The following DPP6 variants were observed in gnomAD, a reference collection of about 807,000 sequenced individuals.
The protein encoded by DPP6 is dipeptidyl peptidase like 6, also known as A-type potassium channel modulatory protein DPP6.
In DPP6, 69 loss-of-function variants were observed where a neutral mutation model predicts 122.6. The observed-to-expected ratio is 0.56, with a 90% CI of 0.46 to 0.69. The LOEUF (loss-of-function observed/expected upper bound fraction) is 0.69, where lower values mean the gene tolerates loss of function less well. DPP6 is among the 30% of genes least tolerant of loss of function. The probability of loss-of-function intolerance (pLI) is 0.00; values close to 1 mark genes in which losing one functional copy is unlikely to be tolerated. For missense variants in DPP6, 928 were observed against 1,116.9 expected, an observed-to-expected ratio of 0.83 and a Z score of 2.41; for synonymous variants, 418 against 433.1, an observed-to-expected ratio of 0.97 and a Z score of 0.43.
At chr7:153,997,593 G>GCGCACACACACACA (rs1554430189) in intron 1 of DPP6, among the ~76,000 whole-genome samples, 10 of 145,982 alleles carry the variant, frequency 6.9e-5, no homozygotes, top group Non-Finnish European at 1.3e-4. Context: ...TGAGTGCACA[G>GCGCACACACACACA]CACACACACA....
At chr7:154,468,294 C>T (rs1210974629) in intron 2 of DPP6, among the ~76,000 whole-genome samples, 1 of 152,094 alleles carries the variant, frequency 6.6e-6, no homozygotes, top group Non-Finnish European at 1.5e-5. Context: ...TTTTTGGTTG[C>T]GAAGAGCTGA....
chr7:154,455,836 C>T (rs1405942966), intron 2 of DPP6, among the ~76,000 whole-genome samples: 1 of 152,138 alleles, frequency 6.6e-6, no homozygotes, highest in Non-Finnish European at 1.5e-5. Flanking sequence ...CATTTTGCAT[C>T]CTATTTTAAA....
intron 1 of DPP6, among the ~76,000 whole-genome samples, chr7:154,254,826 G>C (rs969541572): frequency 2.0e-5 from 3 of 152,110 alleles, no homozygotes; most frequent in Non-Finnish European, 4.4e-5. Flanking sequence ...GCAAGAGACT[G>C]TCTGAAGTAA....
chr7:154,137,860 T>C (rs1224325719), intron 1 of DPP6, among the ~76,000 whole-genome samples: 2 of 152,170 alleles, frequency 1.3e-5, no homozygotes, highest in Non-Finnish European at 2.9e-5. Flanking sequence ...ATGACTGTGG[T>C]ATGCAGGGAT....
intron 1 of DPP6, among the ~76,000 whole-genome samples, chr7:154,123,891 A>T (rs7802218): frequency 2.7e-5 from 4 of 150,696 alleles, no homozygotes; most frequent in Middle Eastern, 6.8e-3. Flanking sequence ...CAGATGTGCC[A>T]CCCGCTCACT....
At chr7:154,613,389 G>T (rs575905032) in intron 5 of DPP6, among the ~76,000 whole-genome samples, 1 of 152,146 alleles carries the variant, frequency 6.6e-6, no homozygotes, top group South Asian at 2.1e-4. Context: ...GGTGGCTGAG[G>T]CAGGCAGATC....
At chr7:154,661,867 T>A (rs542162786) in intron 6 of DPP6, among the ~76,000 whole-genome samples, 1 of 149,440 alleles carries the variant, frequency 6.7e-6, no homozygotes, top group African/African-American at 2.5e-5. Flanking sequence ...AGTGTTCATA[T>A]AGTCATGGTG....
chr7:154,295,849 T>C (rs995490193), intron 1 of DPP6, among the ~76,000 whole-genome samples: 3 of 152,206 alleles, frequency 2.0e-5, no homozygotes, highest in East Asian at 3.9e-4. Flanking sequence ...TAGATTCCTC[T>C]TTTTTCTTAA....
chr7:154,804,272 C>A (rs1798560041), intron 14 of DPP6, among the ~76,000 whole-genome samples: 1 of 152,238 alleles, frequency 6.6e-6, no homozygotes, highest in African/African-American at 2.4e-5. Context: ...AAGCCAAGTG[C>A]TTTACAGACA....
intron 3 of DPP6, among the ~76,000 whole-genome samples, chr7:154,510,888 G>GCTCT (rs139701384): frequency 1.4e-5 from 2 of 147,104 alleles, no homozygotes. Flanking sequence ...TCACTCTCGT[G>GCTCT]CTCTCTCTCT....
At chr7:154,094,188 A>G (rs1459277399) in intron 1 of DPP6, 4 of 152,224 alleles carry the variant, frequency 2.6e-5, no homozygotes, top group African/African-American at 9.7e-5. Flanking sequence ...ATGCGAGATC[A>G]TCCTCGGGCC....
At chr7:154,218,826 A>T (rs1013164824) in intron 1 of DPP6, among the ~76,000 whole-genome samples, 7 of 152,218 alleles carry the variant, frequency 4.6e-5, no homozygotes, top group Non-Finnish European at 8.8e-5. Flanking sequence ...AAAAATGCAA[A>T]CATATGTACT....
At chr7:154,879,621 A>C (rs1376137861) in intron 20 of DPP6, among the ~76,000 whole-genome samples, 2 of 149,790 alleles carry the variant, frequency 1.3e-5, no homozygotes, top group Non-Finnish European at 3.0e-5. Context: ...CACAAAAATC[A>C]GCCAGGTGTA....
chr7:154,549,875 A>G (rs1185885421), intron 4 of DPP6, among the ~76,000 whole-genome samples: 1 of 152,208 alleles, frequency 6.6e-6, no homozygotes, highest in African/African-American at 2.4e-5. Context: ...GTGGAGGCAT[A>G]GTTTACAAAT....
At chr7:154,368,944 T>C (rs748048541) in intron 1 of DPP6, among the ~76,000 whole-genome samples, 8 of 152,208 alleles carry the variant, frequency 5.3e-5, no homozygotes, top group Non-Finnish European at 1.2e-4. Context: ...TCTTCTGATA[T>C]GTGGCCTCTG....
Position 154,241,187 on chromosome 7 carries a change from G to GCGTGCA in DPP6, c.243+188124_243+188125insCGTGCA, listed in dbSNP as rs757817040. ...ACAGTAGGTAATTCAATATCAATAT[G>GCGTGCA]TGTGTGTGTGTGTGTGTGTGTGTGT... On this transcript the variant is annotated intron_variant, in intron 1 of 25. Transcript: ENST00000377770. This position sits in a 1 kb window ranked among gnomAD's most constrained non-coding sequence, Gnocchi z 9.0. Among the ~76,000 whole-genome samples, 154 of 132,596 alleles carry GCGTGCA rather than the reference G, an allele frequency of 1.2e-3. 1 individual carries two copies. Among genetic ancestry groups the GCGTGCA allele is most frequent in the African/African-American group, 4.6e-3 (138 of 29,834 alleles). The allele number at this position is 132,596 out of a possible 152,430, so 87.0% of individuals were successfully genotyped here.
chr7:154,587,560 C>A, intron 5 of DPP6: 2 of 1,420,996 alleles, frequency 1.4e-6, no homozygotes, highest in Non-Finnish European at 1.9e-6. Flanking sequence ...TTCTCGATCC[C>A]CAACTTCCCA....
chr7:154,816,537 A>C (rs1799435203), intron 16 of DPP6, among the ~76,000 whole-genome samples: 1 of 152,192 alleles, frequency 6.6e-6, no homozygotes, highest in Non-Finnish European at 1.5e-5. Context: ...TGTTTTGAAG[A>C]TTAACCTAGA....
chr7:154,171,289 A>G (rs1797523196), intron 1 of DPP6, among the ~76,000 whole-genome samples: 1 of 152,196 alleles, frequency 6.6e-6, no homozygotes, highest in African/African-American at 2.4e-5. Flanking sequence ...AGTGGTTTGC[A>G]TGATCTCCTA....
Sources: gnomAD v4.1 joint callset for allele counts (sites outside exome capture counted in the v4.1 genomes callset) on GRCh38, gnomAD v4.1.1 for gene constraint, Gnocchi (gnomAD v3.1) non-coding constraint, MANE v1.5 for transcripts, NCBI Gene and HGNC (gene_info 2026-07-23, HGNC 2026-07-21) for gene names.